The following CSMD1 variants were observed in gnomAD, a reference collection of about 807,000 sequenced individuals.
CSMD1 encodes the protein CUB and sushi domain-containing protein 1.
In CSMD1, 213 loss-of-function variants were observed where a neutral mutation model predicts 417.5. The ratio of observed to expected loss-of-function variants is 0.51; its 90% CI spans 0.46 to 0.57. The LOEUF (loss-of-function observed/expected upper bound fraction) is 0.57, where lower values mean the gene tolerates loss of function less well. Ranked by LOEUF, CSMD1 falls within the 20% of genes least tolerant of loss-of-function variation. The pLI, the probability that CSMD1 is intolerant of heterozygous loss-of-function variation, is 0.00. For synonymous variants in CSMD1, 2,862 were observed against 1,736.8 expected (o/e 1.65, Z -16.11); for missense variants, 6,923 against 4,529.7 (o/e 1.53, Z -15.17).
chr8:3,619,274 C>T (rs1436113339), intron 7 of CSMD1, among the ~76,000 whole-genome samples: 1 of 152,174 alleles, frequency 6.6e-6, no homozygotes, highest in Admixed American at 6.5e-5. Context: ...CACCTAAAGT[C>T]TTCAGTCCAG....
intron 1 of CSMD1, among the ~76,000 whole-genome samples, chr8:4,680,472 G>A (rs1360678910): frequency 6.6e-6 from 1 of 152,164 alleles, no homozygotes; most frequent in Non-Finnish European, 1.5e-5. Flanking sequence ...CTTCACACTT[G>A]ATGACACTGG....
At chr8:4,444,585 T>C (rs1423635955) in intron 2 of CSMD1, among the ~76,000 whole-genome samples, 1 of 152,058 alleles carries the variant, frequency 6.6e-6, no homozygotes. Context: ...CTCCAGAACA[T>C]GAAATGCTGA....
At chr8:4,455,906 G>T (rs559696163) in intron 2 of CSMD1, among the ~76,000 whole-genome samples, 67 of 84,850 alleles carry the variant, frequency 7.9e-4, no homozygotes, top group African/African-American at 2.5e-3. Context: ...TCCAGCCTGG[G>T]TGACAAAGTG....
chr8:4,636,156 T>A (rs1802800863), intron 2 of CSMD1, among the ~76,000 whole-genome samples: 1 of 152,128 alleles, frequency 6.6e-6, no homozygotes, highest in African/African-American at 2.4e-5. Context: ...GATTCTTGTG[T>A]GTATTACTGT....
intron 10 of CSMD1, among the ~76,000 whole-genome samples, chr8:3,528,251 G>C (rs1271757882): frequency 1.3e-5 from 2 of 152,366 alleles, no homozygotes; most frequent in Non-Finnish European, 2.9e-5. Flanking sequence ...GAAAGGGATA[G>C]ACACATCTCA....
intron 3 of CSMD1, among the ~76,000 whole-genome samples, chr8:4,384,902 T>C (rs56267226): frequency 0.42 from 64,391 of 152,016 alleles, 14,180 homozygotes; most frequent in Non-Finnish European, 0.5. Context: ...ATCAACAGAG[T>C]GGCTGGATGG....
At chr8:3,715,051 T>C (rs927973928) in intron 6 of CSMD1, among the ~76,000 whole-genome samples, 1 of 152,202 alleles carries the variant, frequency 6.6e-6, no homozygotes, top group Non-Finnish European at 1.5e-5. Flanking sequence ...CACAATTACA[T>C]AATCCCCTTC....
chr8:4,943,739 T>C (rs1056017522), intron 1 of CSMD1, among the ~76,000 whole-genome samples: 1 of 152,130 alleles, frequency 6.6e-6, no homozygotes, highest in Non-Finnish European at 1.5e-5. Context: ...CATCATGATG[T>C]GATAAGCAAA....
intron 10 of CSMD1, among the ~76,000 whole-genome samples, chr8:3,522,445 G>A (rs1797547250): frequency 6.6e-6 from 1 of 152,124 alleles, no homozygotes; most frequent in Admixed American, 6.6e-5. Flanking sequence ...ATTTCTCCAG[G>A]CAAAGAGACA....
chr8:3,466,613 A>T (rs909199763), intron 12 of CSMD1, among the ~76,000 whole-genome samples: 4 of 126,196 alleles, frequency 3.2e-5, no homozygotes, highest in Non-Finnish European at 6.4e-5. Flanking sequence ...TTCTGAGGAG[A>T]GATAGGGGTT....
intron 51 of CSMD1, among the ~76,000 whole-genome samples, chr8:3,028,608 T>C (rs1206581909): frequency 6.6e-6 from 1 of 152,230 alleles, no homozygotes; most frequent in African/African-American, 2.4e-5. Context: ...TTAACATTTG[T>C]TCTATTAAAA....
chr8:3,091,189 T>C (rs1487735204), intron 48 of CSMD1, among the ~76,000 whole-genome samples: 2 of 152,094 alleles, frequency 1.3e-5, no homozygotes, highest in Non-Finnish European at 2.9e-5. Flanking sequence ...TATCTTTTTC[T>C]ATTTGTTTGC....
chr8:3,331,022 G>A (rs62504773), intron 23 of CSMD1, among the ~76,000 whole-genome samples: 16,389 of 151,776 alleles, frequency 0.11, 1,162 homozygotes, highest in Non-Finnish European at 0.16. Flanking sequence ...AGGCCGAGGC[G>A]GGCGGATCAC....
rs556323116 is a variant in CSMD1 at position 3,674,577 on chromosome 8, C to A, written c.1009+33837G>T. Among the ~76,000 whole-genome samples, 3 of 148,502 alleles carry A rather than the reference C, an allele frequency of 2.0e-5. No homozygotes were observed. The Admixed American group carries it at 2.0e-4, about 10-fold the overall frequency. ...ACTATGTATCATGTACTACATTAAGCTACTGCAAAATATATTATAACTCCA... is the reference window on the plus strand; with the variant it reads ...ACTATGTATCATGTACTACATTAAGATACTGCAAAATATATTATAACTCCA... On this transcript the variant is annotated intron_variant, in intron 7 of 69. Transcript: ENST00000635120.
At chr8:3,312,386 A>AATGATGCTGTCAAGGTC in intron 23 of CSMD1, among the ~76,000 whole-genome samples, 1 of 152,076 alleles carries the variant, frequency 6.6e-6, no homozygotes, top group Non-Finnish European at 1.5e-5. Context: ...CATTAAATTT[A>AATGATGCTGTCAAGGTC]TTATCTTGTA....
chr8:4,539,654 A>C (rs1456071202), intron 2 of CSMD1, among the ~76,000 whole-genome samples: 1 of 152,222 alleles, frequency 6.6e-6, no homozygotes, highest in Non-Finnish European at 1.5e-5. Context: ...AAATGGTAAA[A>C]TAACTGAGAA....
chr8:4,891,218 G>A (rs1245701938), intron 1 of CSMD1, among the ~76,000 whole-genome samples: 2 of 152,104 alleles, frequency 1.3e-5, no homozygotes, highest in African/African-American at 2.4e-5. Context: ...ATCTCACTAT[G>A]AAGAGGTAAA....
At chr8:4,388,317 CACAG>C (rs148963494) in intron 3 of CSMD1, among the ~76,000 whole-genome samples, 16,434 of 92,162 alleles carry the variant, frequency 0.18, 1,693 homozygotes, top group African/African-American at 0.41. Flanking sequence ...CACACACACA[CACAG>C]ACACACACAC....
chr8:3,388,770 G>T (rs528221277), intron 17 of CSMD1, among the ~76,000 whole-genome samples: 86 of 152,134 alleles, frequency 5.7e-4, no homozygotes, highest in African/African-American at 2.0e-3. Flanking sequence ...TGGCAGGAAA[G>T]CCTCCTTCCA....
Sources: allele counts gnomAD v4.1 joint callset (sites outside exome capture counted in the v4.1 genomes callset), GRCh38; gene constraint gnomAD v4.1.1; transcripts MANE v1.5; gene names NCBI Gene and HGNC (gene_info 2026-07-23, HGNC 2026-07-21).